Variants in LINGO2 observed in about 807,000 individuals in gnomAD.
The protein encoded by LINGO2 is leucine-rich repeat and immunoglobulin-like domain-containing nogo receptor-interacting protein 2.
A neutral mutation model predicts 30.6 loss-of-function variants in LINGO2; 14 were observed. That is an observed-to-expected ratio of 0.46 (90% CI 0.30 to 0.72). The LOEUF is 0.72. Ranked by LOEUF, LINGO2 falls within the 30% of genes least tolerant of loss-of-function variation. The pLI is 0.07. For synonymous variants in LINGO2, 317 were observed against 288.5 expected (o/e 1.10, Z -1.00); for missense variants, 729 against 751.7 (o/e 0.97, Z 0.35).
intron 5 of LINGO2, among the ~76,000 whole-genome samples, chr9:27,996,862 T>A (rs1407740101): frequency 6.6e-6 from 1 of 152,152 alleles, no homozygotes; most frequent in Non-Finnish European, 1.5e-5. Context: ...ATATCACATC[T>A]CCATAAATAT....
chr9:28,861,075 A>G, the LINGO2 span, among the ~76,000 whole-genome samples: 2 of 124,962 alleles, frequency 1.6e-5, no homozygotes, highest in Admixed American at 2.0e-4. Flanking sequence ...ATTAATATAT[A>G]AATATATAAT....
At chr9:28,716,468 C>T in the LINGO2 span, among the ~76,000 whole-genome samples, 1 of 152,098 alleles carries the variant, frequency 6.6e-6, no homozygotes, top group Non-Finnish European at 1.5e-5. Context: ...TGACATAATT[C>T]AGGTGTATAT....
the LINGO2 span, among the ~76,000 whole-genome samples, chr9:28,708,041 T>C: frequency 1.3e-4 from 20 of 152,170 alleles, no homozygotes; most frequent in Non-Finnish European, 2.8e-4. Flanking sequence ...TGTATTTTTT[T>C]AACTTCCTCT....
At chr9:28,753,514 TAAGCCTGAGCTGCTTACAACTC>T in the LINGO2 span, among the ~76,000 whole-genome samples, 1 of 152,020 alleles carries the variant, frequency 6.6e-6, no homozygotes, top group Admixed American at 6.6e-5. Context: ...CCACGGCAAT[TAAGCCTGAGCTGCTTACAACTC>T]TAAGAAGAAG....
At chr9:28,661,465 T>G (rs773909643) in intron 1 of LINGO2, among the ~76,000 whole-genome samples, 1 of 152,140 alleles carries the variant, frequency 6.6e-6, no homozygotes, top group Non-Finnish European at 1.5e-5. Flanking sequence ...AATAAATGAT[T>G]GTTGTATTAA....
At chr9:28,052,901 C>CCA (rs1464773218) in intron 4 of LINGO2, among the ~76,000 whole-genome samples, 3 of 152,028 alleles carry the variant, frequency 2.0e-5, no homozygotes, top group Non-Finnish European at 4.4e-5. Context: ...CTACTGTACT[C>CCA]CACATCTATG....
In LINGO2 at chr9:28,576,776, G is replaced by A. The variant is rs143295299; in HGVS notation, c.-365+93424C>T. Among the ~76,000 whole-genome samples the A allele has an allele frequency of 2.0e-3, 300 of 152,140 alleles. 2 individuals carry two copies. Among genetic ancestry groups the A allele is most frequent in the African/African-American group, 6.9e-3 (288 of 41,502 alleles). ...ATTACATGAGTATGTTCTTCAGTTG[G>A]GATCTGTGAGATTTTGGTGTACCCT... On this transcript the variant is annotated intron_variant, in intron 1 of 5. Coordinates refer to ENST00000379992, the Ensembl canonical transcript of LINGO2.
At chr9:28,877,860 G>A in the LINGO2 span, among the ~76,000 whole-genome samples, 13,323 of 151,920 alleles carry the variant, frequency 0.088, 586 homozygotes, top group Middle Eastern at 0.12. Context: ...CCATTTTCAC[G>A]ATATTGATTC....
intron 4 of LINGO2, among the ~76,000 whole-genome samples, chr9:28,038,188 GATTTA>G (rs1435298523): frequency 2.6e-5 from 4 of 151,900 alleles, no homozygotes; most frequent in East Asian, 1.9e-4. Flanking sequence ...ATTTGTAATG[GATTTA>G]ATTTGAGACC....
chr9:28,157,689 C>G (rs1019917756), intron 4 of LINGO2, among the ~76,000 whole-genome samples: 4 of 152,098 alleles, frequency 2.6e-5, no homozygotes, highest in African/African-American at 9.7e-5. Context: ...TTAACAGCAC[C>G]CAAGTCACCT....
intron 4 of LINGO2, among the ~76,000 whole-genome samples, chr9:28,287,035 A>G (rs1823536416): frequency 6.6e-6 from 1 of 152,194 alleles, no homozygotes; most frequent in Non-Finnish European, 1.5e-5. Context: ...ACCAGACCTG[A>G]GTATGTATGG....
At chr9:28,254,693 GAAGATA>G (rs1362601986) in intron 4 of LINGO2, among the ~76,000 whole-genome samples, 2 of 152,034 alleles carry the variant, frequency 1.3e-5, no homozygotes, top group Non-Finnish European at 2.9e-5. Context: ...CTTTTGGCTA[GAAGATA>G]AAGTTTTCAG....
the LINGO2 span, among the ~76,000 whole-genome samples, chr9:28,825,123 C>A: frequency 6.6e-6 from 1 of 152,054 alleles, no homozygotes; most frequent in South Asian, 2.1e-4. Context: ...ATGCCTGATT[C>A]ATTGCAAGCA....
intron 3 of LINGO2, among the ~76,000 whole-genome samples, chr9:28,306,448 T>C (rs1020295063): frequency 2.0e-5 from 3 of 152,092 alleles, no homozygotes; most frequent in African/African-American, 4.8e-5. Context: ...GGGAAATTTA[T>C]AGCACTAAAT....
intron 1 of LINGO2, among the ~76,000 whole-genome samples, chr9:28,532,361 T>A (rs1408780523): frequency 6.6e-6 from 1 of 152,156 alleles, no homozygotes; most frequent in Non-Finnish European, 1.5e-5. Flanking sequence ...GAATTCAAAG[T>A]CCTCAAACTG....
the LINGO2 span, among the ~76,000 whole-genome samples, chr9:29,068,345 A>G: frequency 6.6e-6 from 1 of 151,928 alleles, no homozygotes; most frequent in Non-Finnish European, 1.5e-5. Context: ...CATATAAAAA[A>G]TAAGTAACAA....
the LINGO2 span, among the ~76,000 whole-genome samples, chr9:28,778,293 T>C: frequency 6.6e-6 from 1 of 152,192 alleles, no homozygotes; most frequent in Non-Finnish European, 1.5e-5. Flanking sequence ...TCATAAGTCA[T>C]AAGGAAAAGG....
chr9:29,147,187 G>C, the LINGO2 span, among the ~76,000 whole-genome samples: 3 of 151,886 alleles, frequency 2.0e-5, no homozygotes, highest in South Asian at 6.2e-4. Context: ...TTTTATGAAA[G>C]AAAATAAAAA....
chr9:28,364,107 T>C (rs548412581), intron 3 of LINGO2, among the ~76,000 whole-genome samples: 163 of 152,274 alleles, frequency 1.1e-3, no homozygotes, highest in African/African-American at 3.8e-3. Context: ...CTTTAAATAG[T>C]CATAATTCTA....
Sources: gnomAD v4.1 joint callset for allele counts (sites outside exome capture counted in the v4.1 genomes callset) on GRCh38, gnomAD v4.1.1 for gene constraint, MANE v1.5 for transcripts, NCBI Gene and HGNC (gene_info 2026-07-23, HGNC 2026-07-21) for gene names.